Variants in CISD1 observed in about 807,000 individuals in gnomAD.
CISD1 encodes the protein CDGSH iron sulfur domain 1.
A neutral mutation model predicts 12.0 loss-of-function variants in CISD1; 8 were observed. The ratio of observed to expected loss-of-function variants is 0.67; its 90% CI spans 0.39 to 1.20. The LOEUF is 1.20. Ranked by LOEUF, CISD1 falls within the 50% of genes most tolerant of loss-of-function variation. The pLI is 0.01. For synonymous variants in CISD1, 38 were observed against 42.2 expected (o/e 0.90, Z 0.39); for missense variants, 107 against 132.7 (o/e 0.81, Z 0.95).
At chr10:58,287,412 A>G in intron 2 of CISD1, 149 bp from the exon 3 acceptor site, 1 of 490,736 alleles carries the variant, frequency 2.0e-6, no homozygotes, top group Non-Finnish European at 3.6e-6. Context: ...TAAGTAGCAT[A>G]TGTAGTTTAC....
At chr10:58,274,161 G>A (rs971585311) in intron 1 of CISD1, among the ~76,000 whole-genome samples, 1 of 151,990 alleles carries the variant, frequency 6.6e-6, no homozygotes, top group African/African-American at 2.4e-5. Context: ...AAAAAGAATT[G>A]GGTCTCAGTA....
intron 1 of CISD1, among the ~76,000 whole-genome samples, chr10:58,276,914 A>G (rs971746612): frequency 2.0e-5 from 3 of 152,144 alleles, no homozygotes; most frequent in Non-Finnish European, 4.4e-5. Flanking sequence ...CTCAGTAGAA[A>G]ATACACAATT....
Position 58,287,780 on chromosome 10 carries a change from C to A in CISD1, c.*130C>A. ...GTGGTATATTGCAAACTGCAGCTTT[C>A]ACATTTATGGCATTTGTCTTGTTGA... On this transcript the variant is annotated 3_prime_UTR_variant, in exon 3 of 3. Transcript: ENST00000333926. 10 of 404,130 alleles carry A rather than the reference C, an allele frequency of 2.5e-5. No homozygotes were observed. The highest frequency in any genetic ancestry group is 4.2e-5 in the Admixed American group (1 of 23,534). The allele number at this position is 404,130 out of a possible 1,614,324, so 25.0% of individuals were successfully genotyped here.
intron 1 of CISD1, among the ~76,000 whole-genome samples, chr10:58,271,043 A>AATTTTTTTT (rs1839241347): frequency 7.8e-6 from 1 of 128,764 alleles, no homozygotes; most frequent in Non-Finnish European, 1.6e-5. Context: ...TGCCATGACT[A>AATTTTTTTT]TTTTTTTTTT....
intron 2 of CISD1, chr10:58,283,109 G>A (rs141311963): frequency 3.3e-5 from 5 of 152,040 alleles, no homozygotes; most frequent in Admixed American, 1.3e-4. Context: ...TGATACTTTT[G>A]TTTTGTCGTT....
At chr10:58,286,403 C>A (rs557387734) in intron 2 of CISD1, among the ~76,000 whole-genome samples, 32 of 152,090 alleles carry the variant, frequency 2.1e-4, no homozygotes, top group Non-Finnish European at 4.7e-4. Flanking sequence ...GCAATAGCCT[C>A]CAGTAATGCT....
At position 58,287,588 on chromosome 10, in the gene CISD1, A is replaced by T. The variant is rs1839442945; in HGVS notation, c.265A>T (p.Lys89Ter). 1 of 1,610,642 alleles carries T rather than the reference A, an allele frequency of 6.2e-7. No homozygotes were observed. The highest frequency in any genetic ancestry group is 2.2e-5 in the East Asian group (1 of 44,830). ...CCCATTCTGTGATGGGGCTCACACA[A>T]AACATAACGAAGAGACTGGAGACAA... ...KFPFCDGAHT[K>*]HNEETGDNVG... The change falls in exon 3 of 3, where the codon AAA (lysine) becomes TAA (stop). Residue 89 changes from lysine (K) to a stop codon, truncating the protein, a stop_gained. Transcript: ENST00000333926. LOFTEE classifies it high-confidence loss of function.
chr10:58,277,103 C>T lies in CISD1; in HGVS notation c.32-14C>T, dbSNP rs1440278078. The T allele has an allele frequency of 6.5e-6, 10 of 1,542,094 alleles. No homozygotes were observed. The highest frequency in any genetic ancestry group is 4.7e-5 in the East Asian group (2 of 42,622). On this transcript the variant is annotated splice_polypyrimidine_tract_variant and intron_variant, in intron 1 of 2. Coordinates refer to ENST00000333926, the MANE Select transcript of CISD1 (RefSeq NM_018464.5). Reference sequence around the variant, plus strand: ...TTGGTTTTGATAATTATTTGTTTTCCTTCCCTGCTCTAGTTGAATGGATCG... The same window carrying T: ...TTGGTTTTGATAATTATTTGTTTTCTTTCCCTGCTCTAGTTGAATGGATCG...
intron 2 of CISD1, among the ~76,000 whole-genome samples, chr10:58,285,891 G>C (rs1038694859): frequency 4.6e-5 from 7 of 152,230 alleles, no homozygotes; most frequent in African/African-American, 7.2e-5. Flanking sequence ...CTTATCTGGA[G>C]GAATAAAGTG....
At chr10:58,286,835 T>C (rs1159276594) in intron 2 of CISD1, among the ~76,000 whole-genome samples, 1 of 152,194 alleles carries the variant, frequency 6.6e-6, no homozygotes, top group Non-Finnish European at 1.5e-5. Flanking sequence ...TATTGACATA[T>C]TTGTATGAAA....
chr10:58,280,262 C>T (rs909246108), intron 2 of CISD1, among the ~76,000 whole-genome samples: 1 of 152,132 alleles, frequency 6.6e-6, no homozygotes, highest in Non-Finnish European at 1.5e-5. Context: ...AGCTCCTTGA[C>T]AGGGGTTTCA....
At chr10:58,270,119 A>G (rs907575815) in intron 1 of CISD1, among the ~76,000 whole-genome samples, 4 of 152,210 alleles carry the variant, frequency 2.6e-5, no homozygotes, top group Non-Finnish European at 5.9e-5. Context: ...CCACTTCGCA[A>G]GGTTTTGAGT....
At chr10:58,272,809 C>T (rs1839264203) in intron 1 of CISD1, among the ~76,000 whole-genome samples, 1 of 152,130 alleles carries the variant, frequency 6.6e-6, no homozygotes, top group Non-Finnish European at 1.5e-5. Context: ...GTCCCAGCTA[C>T]TTGGGAGGCT....
At chr10:58,272,966 A>C (rs1237052821) in intron 1 of CISD1, among the ~76,000 whole-genome samples, 1 of 152,142 alleles carries the variant, frequency 6.6e-6, no homozygotes, top group Non-Finnish European at 1.5e-5. Flanking sequence ...GACTGGCCAA[A>C]TTGATGGTGG....
intron 2 of CISD1, among the ~76,000 whole-genome samples, chr10:58,286,593 T>C (rs1588983569): frequency 1.3e-5 from 2 of 152,232 alleles, no homozygotes; most frequent in Admixed American, 6.5e-5. Context: ...CTATATGATA[T>C]GTTTTTTTAA....
chr10:58,271,233 G>A (rs1484934017), intron 1 of CISD1, among the ~76,000 whole-genome samples: 10 of 22,258 alleles, frequency 4.5e-4, no homozygotes, highest in Non-Finnish European at 7.7e-4. Context: ...TAGAGACGGG[G>A]TTTCACCGTT....
chr10:58,280,010 C>T (rs1332419563), intron 2 of CISD1, among the ~76,000 whole-genome samples: 1 of 152,182 alleles, frequency 6.6e-6, no homozygotes, highest in Non-Finnish European at 1.5e-5. Flanking sequence ...AAAAACATCA[C>T]ATCTTCTGGG....
rs1045366748 is a variant in CISD1 at position 58,288,451 on chromosome 10, C to G, written c.*801C>G. On this transcript the variant is annotated 3_prime_UTR_variant, in exon 3 of 3. Transcript: ENST00000333926. ...TTGAAGGAATTGGAACATATAATGT[C>G]AAGTCTTTTGATCACTAAGCCACAT... 2 of 152,128 alleles carry G rather than the reference C, an allele frequency of 1.3e-5. No individual in the cohort carries two copies. The highest frequency in any genetic ancestry group is 2.9e-5 in the Non-Finnish European group (2 of 67,952). 9.4% of individuals were successfully genotyped at this position (152,128 alleles called of 1,614,324 possible). A position where few individuals can be genotyped will look rare whatever the true frequency, so the allele number is the denominator to read the frequency against.
intron 1 of CISD1, among the ~76,000 whole-genome samples, chr10:58,275,222 G>A (rs11006103): frequency 6.6e-6 from 1 of 152,118 alleles, no homozygotes; most frequent in Non-Finnish European, 1.5e-5. Flanking sequence ...CAGCATTTTC[G>A]CCCATTTTGT....
Sources: gnomAD v4.1 joint callset for allele counts (sites outside exome capture counted in the v4.1 genomes callset) on GRCh38, gnomAD v4.1.1 for gene constraint, MANE v1.5 for transcripts, NCBI Gene and HGNC (gene_info 2026-07-23, HGNC 2026-07-21) for gene names.